The following TMEM178A variants were observed in gnomAD, a reference collection of about 807,000 sequenced individuals.
TMEM178A encodes the protein transmembrane protein 178.
Under a neutral mutation model 29.1 loss-of-function variants are expected in TMEM178A, and 12 were observed. The ratio of observed to expected loss-of-function variants is 0.41; its 90% CI spans 0.26 to 0.67. The LOEUF (loss-of-function observed/expected upper bound fraction) is 0.67. Among genes scored for constraint, TMEM178A ranks in the 30% least tolerant of loss-of-function variants. The probability of loss-of-function intolerance (pLI) is 0.29; values close to 1 mark genes in which losing one functional copy is unlikely to be tolerated. For synonymous variants in TMEM178A, 210 were observed against 187.2 expected, an observed-to-expected ratio of 1.12 and a Z score of -0.99; for missense variants, 366 against 419.1, an observed-to-expected ratio of 0.87 and a Z score of 1.11.
downstream of TMEM178A, among the ~76,000 whole-genome samples, chr2:39,721,843 T>C (rs144790923): frequency 5.4e-3 from 814 of 151,912 alleles, 8 homozygotes; most frequent in African/African-American, 0.019. Flanking sequence ...TTTTTAAAAT[T>C]AGCCAAGTGT....
chr2:39,719,029 T>C (rs189949475), downstream of TMEM178A, among the ~76,000 whole-genome samples: 2 of 152,272 alleles, frequency 1.3e-5, no homozygotes, highest in African/African-American at 4.8e-5. Flanking sequence ...CATATTGTCA[T>C]GTAAGGGCCG....
the TMEM178A span, among the ~76,000 whole-genome samples, chr2:39,731,873 A>G: frequency 6.6e-6 from 1 of 152,178 alleles, no homozygotes; most frequent in Non-Finnish European, 1.5e-5. Flanking sequence ...AAGCACCAGG[A>G]TGGCTGGGGA....
the TMEM178A span, among the ~76,000 whole-genome samples, chr2:39,727,053 T>C: frequency 5.3e-5 from 8 of 152,232 alleles, no homozygotes; most frequent in Non-Finnish European, 8.8e-5. Flanking sequence ...AATTTTTCTC[T>C]CAAATGTTTT....
intron 1 of TMEM178A, chr2:39,697,980 T>G (rs1309856251): frequency 6.6e-6 from 1 of 152,258 alleles, no homozygotes; most frequent in Non-Finnish European, 1.5e-5. Context: ...AAGCAGCTTC[T>G]GTGAGATGCA....
chr2:39,710,175 T>C (rs1672243476), intron 3 of TMEM178A, among the ~76,000 whole-genome samples: 1 of 152,124 alleles, frequency 6.6e-6, no homozygotes, highest in Non-Finnish European at 1.5e-5. Flanking sequence ...CATCAAAATA[T>C]GCAAAGCAAT....
chr2:39,680,514 C>T (rs1183132977), intron 1 of TMEM178A, among the ~76,000 whole-genome samples: 2 of 152,196 alleles, frequency 1.3e-5, no homozygotes, highest in East Asian at 3.9e-4. Flanking sequence ...GCAACATTTA[C>T]CATTTGGTTA....
intron 1 of TMEM178A, among the ~76,000 whole-genome samples, chr2:39,670,755 A>G (rs1457242644): frequency 1.1e-4 from 16 of 152,238 alleles, no homozygotes; most frequent in Admixed American, 1.0e-3. Context: ...ATTATGTAGA[A>G]CTTTGGAGAA....
downstream of TMEM178A, among the ~76,000 whole-genome samples, chr2:39,718,504 C>A (rs1175910196): frequency 6.6e-6 from 1 of 152,170 alleles, no homozygotes; most frequent in Non-Finnish European, 1.5e-5. Context: ...CTCATTTGGG[C>A]CAGAACCGTG....
intron 1 of TMEM178A, among the ~76,000 whole-genome samples, chr2:39,685,503 G>C (rs1462703524): frequency 6.6e-6 from 1 of 152,110 alleles, no homozygotes; most frequent in African/African-American, 2.4e-5. Context: ...GTGAGGGTAG[G>C]GCTTTTGTTT....
At position 39,682,394 on chromosome 2, in the gene TMEM178A, A is replaced by T. The variant is rs189336286; in HGVS notation, c.400+16020A>T. 9.0e-3 allele frequency among the ~76,000 whole-genome samples: 1,361 copies of T among 150,506 alleles called. 28 individuals carry two copies. Among genetic ancestry groups the T allele is most frequent in the African/African-American group, 0.032 (1,290 of 40,674 alleles). ...GCAGTTTACTATGTTTTTTTTTTTTAAATATTGTGCTTGTTTTGATTTTTT... is the reference window on the plus strand; with the variant it reads ...GCAGTTTACTATGTTTTTTTTTTTTTAATATTGTGCTTGTTTTGATTTTTT... On this transcript the variant is annotated intron_variant, in intron 1 of 3. Coordinates refer to ENST00000281961, the MANE Select transcript of TMEM178A (RefSeq NM_152390.3).
intron 1 of TMEM178A, among the ~76,000 whole-genome samples, chr2:39,677,633 A>G (rs1670684372): frequency 6.6e-6 from 1 of 152,102 alleles, no homozygotes; most frequent in Non-Finnish European, 1.5e-5. Flanking sequence ...GTTGTTCAGC[A>G]GTATATGTTT....
intron 1 of TMEM178A, among the ~76,000 whole-genome samples, chr2:39,677,771 C>T (rs1377053390): frequency 6.6e-6 from 1 of 152,036 alleles, no homozygotes; most frequent in Non-Finnish European, 1.5e-5. Context: ...ACCGAGAGAC[C>T]TATTTATTAC....
rs187961058 is a variant in TMEM178A at position 39,689,315 on chromosome 2, G to A, written c.401-14766G>A. On this transcript the variant is annotated intron_variant, in intron 1 of 3. Coordinates refer to ENST00000281961, the MANE Select transcript of TMEM178A (RefSeq NM_152390.3). ...ATTAATGTTTATGGATCATCATGTGGCAAGTAGGAGATCTCTTCCTCCCCT... is the reference window on the plus strand; with the variant it reads ...ATTAATGTTTATGGATCATCATGTGACAAGTAGGAGATCTCTTCCTCCCCT... 1.8e-3 allele frequency among the ~76,000 whole-genome samples: 275 copies of A among 152,252 alleles called. 1 individual carries two copies. Among genetic ancestry groups the A allele is most frequent in the African/African-American group, 6.5e-3 (269 of 41,554 alleles).
At chr2:39,704,311 G>A in intron 2 of TMEM178A, 117 bp downstream of exon 2, 1 of 813,074 alleles carries the variant, frequency 1.2e-6, no homozygotes, top group South Asian at 1.7e-5. Flanking sequence ...GAGCCTCTGG[G>A]CCCAATCAGA....
the TMEM178A span, among the ~76,000 whole-genome samples, chr2:39,725,157 A>C: frequency 6.6e-6 from 1 of 152,186 alleles, no homozygotes; most frequent in African/African-American, 2.4e-5. Context: ...ACCGAGGGTG[A>C]GCTAGAGGGA....
chr2:39,725,706 T>A, the TMEM178A span, among the ~76,000 whole-genome samples: 1 of 152,222 alleles, frequency 6.6e-6, no homozygotes, highest in African/African-American at 2.4e-5. Flanking sequence ...TGGTGATCCC[T>A]GGTCTGTGAA....
chr2:39,727,215 T>C, the TMEM178A span, among the ~76,000 whole-genome samples: 5 of 152,192 alleles, frequency 3.3e-5, no homozygotes, highest in Non-Finnish European at 7.3e-5. Flanking sequence ...TTCAGATAGC[T>C]GTCACAGCAG....
intron 1 of TMEM178A, among the ~76,000 whole-genome samples, chr2:39,671,014 T>C (rs972843024): frequency 6.6e-6 from 1 of 152,210 alleles, no homozygotes; most frequent in Non-Finnish European, 1.5e-5. Context: ...GTGAAGATTA[T>C]AAGGCTGTAT....
chr2:39,708,939 A>G (rs1452379871), intron 3 of TMEM178A, among the ~76,000 whole-genome samples: 1 of 152,236 alleles, frequency 6.6e-6, no homozygotes, highest in Non-Finnish European at 1.5e-5. Flanking sequence ...ACTGGGCATT[A>G]ACAGTTTCAC....
Sources: allele counts gnomAD v4.1 joint callset (sites outside exome capture counted in the v4.1 genomes callset), GRCh38; gene constraint gnomAD v4.1.1; transcripts MANE v1.5; gene names NCBI Gene and HGNC (gene_info 2026-07-23, HGNC 2026-07-21).